Variants in TLN2 observed in about 807,000 individuals in gnomAD.
The protein encoded by TLN2 is talin 2.
A neutral mutation model predicts 294.7 loss-of-function variants in TLN2; 118 were observed. The observed-to-expected ratio is 0.40, with a 90% CI of 0.34 to 0.47. The LOEUF is 0.47. TLN2 is among the 20% of genes least tolerant of loss of function. TLN2 has a pLI of 0.84. For missense variants in TLN2, 3,083 were observed against 3,282.2 expected, an observed-to-expected ratio of 0.94 and a Z score of 1.48; for synonymous variants, 1,431 against 1,304.5, an observed-to-expected ratio of 1.10 and a Z score of -2.09.
intron 1 of TLN2, among the ~76,000 whole-genome samples, chr15:62,541,376 C>G (rs55641740): frequency 1.3e-5 from 2 of 152,282 alleles, no homozygotes; most frequent in Non-Finnish European, 2.9e-5. Flanking sequence ...TTATTTCTTG[C>G]TCTCGACTTT....
At chr15:62,594,569 C>T (rs373268529) in intron 2 of TLN2, among the ~76,000 whole-genome samples, 1 of 152,252 alleles carries the variant, frequency 6.6e-6, no homozygotes, top group South Asian at 2.1e-4. Context: ...AGGGCAGTCT[C>T]TTCAATAAAT....
At chr15:62,667,758 T>A (rs1431678838) in intron 9 of TLN2, among the ~76,000 whole-genome samples, 1 of 152,206 alleles carries the variant, frequency 6.6e-6, no homozygotes, top group Non-Finnish European at 1.5e-5. Context: ...ACGGTCAGAC[T>A]AGGAAACATC....
intron 3 of TLN2, among the ~76,000 whole-genome samples, chr15:62,620,585 C>A (rs184635618): frequency 3.3e-5 from 5 of 150,776 alleles, no homozygotes; most frequent in East Asian, 2.0e-4. Flanking sequence ...CTCAAGCAAT[C>A]CTCCTACCTC....
chr15:62,766,715 T>C (rs1197636232), intron 41 of TLN2, among the ~76,000 whole-genome samples: 1 of 149,522 alleles, frequency 6.7e-6, no homozygotes, highest in East Asian at 1.9e-4. Flanking sequence ...CAATCGACCT[T>C]TGCTGAAAGA....
At chr15:62,454,507 C>T (rs767221525) in intron 1 of TLN2, among the ~76,000 whole-genome samples, 7 of 152,090 alleles carry the variant, frequency 4.6e-5, no homozygotes, top group Non-Finnish European at 7.4e-5. Flanking sequence ...GGTGGGGCAC[C>T]GTCATGGGGT....
chr15:62,551,713 C>A (rs528422674), intron 1 of TLN2, among the ~76,000 whole-genome samples: 1 of 152,124 alleles, frequency 6.6e-6, no homozygotes, highest in Admixed American at 6.5e-5. Flanking sequence ...ACAAAAACAC[C>A]TAGATTTCTG....
chr15:62,726,438 T>A (rs2060444987), intron 27 of TLN2, among the ~76,000 whole-genome samples: 1 of 152,160 alleles, frequency 6.6e-6, no homozygotes, highest in African/African-American at 2.4e-5. Flanking sequence ...CCCTAGGCCT[T>A]TACTGACTTC....
At chr15:62,673,547 A>G (rs2055747947) in intron 9 of TLN2, among the ~76,000 whole-genome samples, 2 of 107,548 alleles carry the variant, frequency 1.9e-5, no homozygotes, top group African/African-American at 3.4e-5. Flanking sequence ...AAGATAGCAT[A>G]CTATATACTC....
At chr15:62,695,423 A>G (rs1296993149) in intron 14 of TLN2, among the ~76,000 whole-genome samples, 1 of 152,148 alleles carries the variant, frequency 6.6e-6, no homozygotes, top group Non-Finnish European at 1.5e-5. Flanking sequence ...GGAGGAGGCT[A>G]CAGTGGTCCC....
At chr15:62,559,215 T>G (rs2042775421) in intron 1 of TLN2, among the ~76,000 whole-genome samples, 3 of 152,182 alleles carry the variant, frequency 2.0e-5, no homozygotes, top group Non-Finnish European at 4.4e-5. Flanking sequence ...CTAAATAGCC[T>G]CTTCTGGGGA....
chr15:62,617,288 G>A (rs1379080417), intron 2 of TLN2, among the ~76,000 whole-genome samples: 1 of 152,062 alleles, frequency 6.6e-6, no homozygotes, highest in Non-Finnish European at 1.5e-5. Flanking sequence ...TGTTATGGGT[G>A]AGACTAGAGG....
chr15:62,537,281 C>T (rs1046572969), intron 1 of TLN2, among the ~76,000 whole-genome samples: 3 of 152,192 alleles, frequency 2.0e-5, no homozygotes, highest in Admixed American at 1.3e-4. Context: ...TCCCAAAGTG[C>T]TGGGATTACA....
chr15:62,774,357 C>G (rs892225087), intron 42 of TLN2, among the ~76,000 whole-genome samples: 4 of 152,070 alleles, frequency 2.6e-5, no homozygotes, highest in Non-Finnish European at 5.9e-5. Context: ...GGAACCCCTC[C>G]GGAATCTAAA....
chr15:62,711,925 C>T lies in TLN2; in HGVS notation c.2482C>T (p.Gln828Ter). 2 of 1,607,844 alleles carry T rather than the reference C, an allele frequency of 1.2e-6. No homozygotes were observed. Among genetic ancestry groups the T allele is most frequent in the Non-Finnish European group, 1.7e-6 (2 of 1,174,950 alleles). Residue 828 changes from glutamine (Q) to a stop codon, truncating the protein, a stop_gained, in exon 22 of 59, where the codon CAG (glutamine) becomes TAG (stop). Transcript: ENST00000636159. LOFTEE classifies it high-confidence loss of function. ...CTGTCTTCTAGGTGAAATGGTGCGC[C>T]AGGCGCGGGTTCTGGCCCAAGCCAC... ...SMGDAGEMVRQARVLAQATSD... is the reference protein window; with the variant it reads ...SMGDAGEMVR
chr15:62,468,653 G>A (rs2037277343), intron 1 of TLN2, among the ~76,000 whole-genome samples: 1 of 151,770 alleles, frequency 6.6e-6, no homozygotes, highest in Non-Finnish European at 1.5e-5. Context: ...GCTGAGGCAG[G>A]AGAATGGCGT....
intron 1 of TLN2, among the ~76,000 whole-genome samples, chr15:62,473,290 T>C (rs1313298168): frequency 6.6e-6 from 1 of 152,120 alleles, no homozygotes; most frequent in Non-Finnish European, 1.5e-5. Context: ...TAAAATGGGA[T>C]TGGGAATAAC....
chr15:62,603,285 G>GT (rs940593420), intron 2 of TLN2, among the ~76,000 whole-genome samples: 14 of 151,788 alleles, frequency 9.2e-5, no homozygotes, highest in Non-Finnish European at 1.8e-4. Flanking sequence ...CGTTGTAGTG[G>GT]TTTTTTTTTA....
In TLN2 at chr15:62,708,695, G is replaced by A. The variant is rs768628001; in HGVS notation, c.2366G>A (p.Arg789Gln). Residue 789 changes from arginine (R) to glutamine (Q), a missense_variant, in exon 21 of 59, where the codon CGG (arginine) becomes CAG (glutamine). Arg to Gln is a conservative substitution (Grantham distance 43). Coordinates refer to ENST00000636159, the MANE Select transcript of TLN2 (RefSeq NM_015059.3). ...CTCCATGATCTCCTGCAGCATGTGC[G>A]GCAGTTTGCCAGCCGAGGCGAGCCC... ...QALHDLLQHVRQFASRGEPIG... is the reference protein window; with the variant it reads ...QALHDLLQHVQQFASRGEPIG... The A allele has an allele frequency of 9.3e-6, 15 of 1,613,878 alleles. No individual in the cohort carries two copies. Among genetic ancestry groups the A allele is most frequent in the African/African-American group, 4.0e-5 (3 of 74,948 alleles).
At chr15:62,616,049 T>C (rs1014430482) in intron 2 of TLN2, among the ~76,000 whole-genome samples, 3 of 152,250 alleles carry the variant, frequency 2.0e-5, no homozygotes, top group Non-Finnish European at 4.4e-5. Flanking sequence ...TTTATTTTCT[T>C]AATAAGCTTT....
Sources: gnomAD v4.1 joint callset for allele counts (sites outside exome capture counted in the v4.1 genomes callset) on GRCh38, gnomAD v4.1.1 for gene constraint, MANE v1.5 for transcripts, NCBI Gene and HGNC (gene_info 2026-07-23, HGNC 2026-07-21) for gene names.